Variants in HS6ST3 observed in about 807,000 individuals in gnomAD.
HS6ST3 encodes the protein heparan sulfate 6-O-sulfotransferase 3.
HS6ST3 carries 12 observed loss-of-function variants against 36.7 expected under a neutral mutation model. The observed-to-expected ratio is 0.33, with a 90% CI of 0.21 to 0.53. The LOEUF is 0.53. Ranked by LOEUF, HS6ST3 falls within the 20% of genes least tolerant of loss-of-function variation. The pLI is 0.95. For synonymous variants in HS6ST3, 240 were observed against 257.5 expected (o/e 0.93, Z 0.65); for missense variants, 584 against 640.9 (o/e 0.91, Z 0.96).
intron 1 of HS6ST3, among the ~76,000 whole-genome samples, chr13:96,331,816 T>G (rs1019162888): frequency 1.2e-4 from 19 of 152,138 alleles, no homozygotes; most frequent in African/African-American, 4.3e-4. Context: ...CAGACTGCTG[T>G]GCTAGCAATC....
chr13:96,446,187 A>T (rs894566318), intron 1 of HS6ST3, among the ~76,000 whole-genome samples: 1 of 151,364 alleles, frequency 6.6e-6, no homozygotes, highest in Non-Finnish European at 1.5e-5. Flanking sequence ...AAAAAAAAAA[A>T]GTTTTTTTAA....
chr13:96,737,578 T>C (rs913728257), intron 1 of HS6ST3, among the ~76,000 whole-genome samples: 60 of 136,916 alleles, frequency 4.4e-4, no homozygotes, highest in Admixed American at 2.2e-3. Context: ...TGAGCCGAGA[T>C]TGCGCCACTG....
chr13:96,290,965 A>G (rs1283684430), intron 1 of HS6ST3, among the ~76,000 whole-genome samples: 1 of 152,146 alleles, frequency 6.6e-6, no homozygotes, highest in African/African-American at 2.4e-5. Context: ...TCTCTGGGCT[A>G]TCCATTGCCT....
chr13:96,764,687 G>A (rs564551834), intron 1 of HS6ST3, among the ~76,000 whole-genome samples: 1 of 152,278 alleles, frequency 6.6e-6, no homozygotes. Context: ...CAGGATCCTT[G>A]CTTGCTGAGA....
chr13:96,268,810 A>G (rs1181701828), intron 1 of HS6ST3, among the ~76,000 whole-genome samples: 4 of 151,898 alleles, frequency 2.6e-5, no homozygotes, highest in African/African-American at 9.7e-5. Flanking sequence ...TGACATAAAA[A>G]ATTTGAAGAC....
chr13:96,636,965 A>G (rs1290573468), intron 1 of HS6ST3, among the ~76,000 whole-genome samples: 2 of 152,262 alleles, frequency 1.3e-5, no homozygotes, highest in African/African-American at 4.8e-5. Context: ...CAGAAAAAGA[A>G]GTTTTAGAAC....
At chr13:96,187,412 A>G (rs2054269671) in intron 1 of HS6ST3, among the ~76,000 whole-genome samples, 1 of 152,166 alleles carries the variant, frequency 6.6e-6, no homozygotes, top group African/African-American at 2.4e-5. Context: ...GTAAGGCATT[A>G]TTCTCATTTT....
chr13:96,764,097 A>G (rs1355050140), intron 1 of HS6ST3, among the ~76,000 whole-genome samples: 1 of 152,234 alleles, frequency 6.6e-6, no homozygotes, highest in Non-Finnish European at 1.5e-5. Context: ...TCACGTCTTT[A>G]GATTCTAAGG....
intron 1 of HS6ST3, among the ~76,000 whole-genome samples, chr13:96,338,944 T>G (rs909325371): frequency 6.6e-6 from 1 of 152,184 alleles, no homozygotes; most frequent in African/African-American, 2.4e-5. Context: ...AGTGGTGCTT[T>G]CTTTCTGGGT....
chr13:96,221,086 C>T (rs923349187), intron 1 of HS6ST3, among the ~76,000 whole-genome samples: 2 of 152,118 alleles, frequency 1.3e-5, no homozygotes, highest in African/African-American at 4.8e-5. Flanking sequence ...CAAATAGTCC[C>T]TCTGCCCTCC....
At chr13:96,259,325 A>G (rs2139382100) in intron 1 of HS6ST3, among the ~76,000 whole-genome samples, 1 of 152,306 alleles carries the variant, frequency 6.6e-6, no homozygotes, top group South Asian at 2.1e-4. Flanking sequence ...GGAGGATTTT[A>G]TGCAAGTACT....
chr13:96,758,521 A>G (rs1876887982), intron 1 of HS6ST3, among the ~76,000 whole-genome samples: 1 of 151,902 alleles, frequency 6.6e-6, no homozygotes, highest in East Asian at 1.9e-4. Context: ...AAATATTAGT[A>G]TACATTTCCC....
chr13:96,244,297 A>C (rs2054574787), intron 1 of HS6ST3, among the ~76,000 whole-genome samples: 2 of 152,208 alleles, frequency 1.3e-5, no homozygotes, highest in Non-Finnish European at 2.9e-5. Flanking sequence ...ATAGGAAAGA[A>C]GGTTGACAAA....
chr13:96,676,573 T>G (rs1017408661), intron 1 of HS6ST3, among the ~76,000 whole-genome samples: 4 of 152,198 alleles, frequency 2.6e-5, no homozygotes, highest in Non-Finnish European at 2.9e-5. Flanking sequence ...GCTCAGTATA[T>G]TTCCCAAATT....
chr13:96,666,625 G>A (rs1360398541), intron 1 of HS6ST3, among the ~76,000 whole-genome samples: 1 of 151,996 alleles, frequency 6.6e-6, no homozygotes, highest in Non-Finnish European at 1.5e-5. Context: ...ACAGCAACAC[G>A]TTGAACTTCG....
At chr13:96,205,209 A>G (rs1037160206) in intron 1 of HS6ST3, among the ~76,000 whole-genome samples, 14 of 152,218 alleles carry the variant, frequency 9.2e-5, no homozygotes, top group Non-Finnish European at 1.9e-4. Context: ...CTCTACACAC[A>G]TAAACTAGAA....
At chr13:96,379,615 A>AT (rs1229050397) in intron 1 of HS6ST3, among the ~76,000 whole-genome samples, 5 of 152,216 alleles carry the variant, frequency 3.3e-5, no homozygotes, top group Non-Finnish European at 5.9e-5. Flanking sequence ...CTGAAGCAGT[A>AT]TTTTTCCATG....
At position 96,385,511 on chromosome 13, in the gene HS6ST3, C is replaced by G. The variant is rs2139448536; in HGVS notation, c.707+293942C>G. ...CCTCACTGGCCTGAAAGACAGAAGA[C>G]TCTGGGATGGGCTAGTGGATGTGGA... On this transcript the variant is annotated intron_variant, in intron 1 of 1. Transcript: ENST00000376705. 2.0e-5 allele frequency among the ~76,000 whole-genome samples: 3 copies of G among 152,270 alleles called. No individual in the cohort carries two copies. The South Asian group carries it at 6.2e-4, about 32-fold the overall frequency.
intron 1 of HS6ST3, among the ~76,000 whole-genome samples, chr13:96,664,268 A>G (rs2056656130): frequency 6.6e-6 from 1 of 152,184 alleles, no homozygotes; most frequent in Non-Finnish European, 1.5e-5. Flanking sequence ...AAGATAATTC[A>G]TAGAAACAGC....
Sources: gnomAD v4.1 joint callset for allele counts (sites outside exome capture counted in the v4.1 genomes callset) on GRCh38, gnomAD v4.1.1 for gene constraint, MANE v1.5 for transcripts, NCBI Gene and HGNC (gene_info 2026-07-23, HGNC 2026-07-21) for gene names.